Variants in GRIA1 observed in about 807,000 individuals in gnomAD.
GRIA1 encodes the protein glutamate receptor 1.
GRIA1 carries 31 observed loss-of-function variants against 99.2 expected under a neutral mutation model. The observed-to-expected ratio is 0.31, with a 90% confidence interval of 0.23 to 0.42. The LOEUF (loss-of-function observed/expected upper bound fraction) is 0.42, where lower values mean the gene tolerates loss of function less well. GRIA1 is among the 10% of genes least tolerant of loss of function. GRIA1 has a pLI of 1.00. For missense variants in GRIA1, 782 were observed against 1,157.5 expected (o/e 0.68, Z 4.71); for synonymous variants, 438 against 432.4 (o/e 1.01, Z -0.16).
chr5:153,674,439 C>T (rs1266711976), intron 5 of GRIA1, 61 bp from the exon 6 acceptor site: 3 of 1,579,114 alleles, frequency 1.9e-6, no homozygotes, highest in East Asian at 2.2e-5. Context: ...GGTTTTGGAA[C>T]AGGTTAAGTT....
chr5:153,748,157 C>T (rs1261501783), intron 11 of GRIA1, among the ~76,000 whole-genome samples: 6 of 151,920 alleles, frequency 3.9e-5, no homozygotes, highest in Non-Finnish European at 5.9e-5. Context: ...ATAAAGATCA[C>T]ATATACTTTG....
intron 2 of GRIA1, among the ~76,000 whole-genome samples, chr5:153,607,091 CGTT>C (rs1765522838): frequency 7.3e-6 from 1 of 137,588 alleles, no homozygotes; most frequent in African/African-American, 2.6e-5. Flanking sequence ...TTTATCCACT[CGTT>C]GATTGATGGG....
At chr5:153,560,985 T>TG (rs1418493999) in intron 2 of GRIA1, among the ~76,000 whole-genome samples, 1 of 152,016 alleles carries the variant, frequency 6.6e-6, no homozygotes, top group African/African-American at 2.4e-5. Flanking sequence ...GGAGCAGGGA[T>TG]TTTTTTTAGG....
rs748322316 is a variant in GRIA1, at chr5:153,770,268, G to A, written c.2123G>A (p.Arg708Lys). 1 of 1,614,012 alleles carries A rather than the reference G, an allele frequency of 6.2e-7. No individual in the cohort carries two copies. The highest frequency in any genetic ancestry group is 8.5e-7 in the Non-Finnish European group (1 of 1,179,946). Reference protein sequence around the residue: ...RTTEEGMIRVRKSKGKYAYLL... With the variant: ...RTTEEGMIRVKKSKGKYAYLL... ...ACAGAGGAGGGGATGATTCGAGTGA[G>A]GAAATCCAAAGGCAAATATGCCTAC... The change falls in exon 13 of 16, where the codon AGG becomes AAG. Residue 708 changes from arginine (R) to lysine (K), a missense_variant. Around this residue, in one of 5 missense-constraint regions of GRIA1, gnomAD observed 119 missense variants for 326.6 expected, o/e 0.36. Coordinates refer to ENST00000285900, the MANE Select transcript of GRIA1 (RefSeq NM_000827.4).
intron 11 of GRIA1, among the ~76,000 whole-genome samples, chr5:153,745,867 T>A (rs893452317): frequency 1.3e-5 from 2 of 152,186 alleles, no homozygotes; most frequent in African/African-American, 4.8e-5. Context: ...CTTCACCTCT[T>A]ATGGTCCATT....
At chr5:153,808,070 T>G (rs1766560027) in intron 15 of GRIA1, among the ~76,000 whole-genome samples, 1 of 152,244 alleles carries the variant, frequency 6.6e-6, no homozygotes, top group African/African-American at 2.4e-5. Flanking sequence ...GCAAAGACAT[T>G]ACTGAAGTTT....
At chr5:153,565,916 A>T (rs1761570280) in intron 2 of GRIA1, among the ~76,000 whole-genome samples, 1 of 152,216 alleles carries the variant, frequency 6.6e-6, no homozygotes, top group African/African-American at 2.4e-5. Context: ...GACTACTATG[A>T]CTAATGCTGC....
chr5:153,602,501 G>T (rs1359419302), intron 2 of GRIA1, among the ~76,000 whole-genome samples: 1 of 151,676 alleles, frequency 6.6e-6, no homozygotes, highest in Non-Finnish European at 1.5e-5. Context: ...TGCACATTGT[G>T]CACATGTACC....
At position 153,751,889 on chromosome 5, in the gene GRIA1, G is replaced by A. The variant is rs553797244; in HGVS notation, c.1824-12545G>A. Among the ~76,000 whole-genome samples, 12 of 152,240 alleles carry A rather than the reference G, an allele frequency of 7.9e-5. No homozygotes were observed. In the South Asian group the frequency reaches 2.1e-3, roughly 26 times the overall value. ...TTCCAGCACCTTACTCCCAGACCAT[G>A]TCCGAATTCATTTACCCAGAAGGCG... On this transcript the variant is annotated intron_variant, in intron 11 of 15. Coordinates refer to ENST00000285900, the MANE Select transcript of GRIA1 (RefSeq NM_000827.4).
chr5:153,673,714 G>C lies in GRIA1; in HGVS notation c.700-786G>C, dbSNP rs150096412. On this transcript the variant is annotated intron_variant, in intron 5 of 15. Coordinates refer to ENST00000285900, the MANE Select transcript of GRIA1 (RefSeq NM_000827.4). Reference sequence around the variant, plus strand: ...ACCTTAAAAAAGGATAAACTGAAATGAGGCCATAGATATGAAAGTACTGCA... The same window carrying C: ...ACCTTAAAAAAGGATAAACTGAAATCAGGCCATAGATATGAAAGTACTGCA... Among the ~76,000 whole-genome samples, 1,102 of 152,306 alleles carry C rather than the reference G, an allele frequency of 7.2e-3. 5 individuals are homozygous for C. The highest frequency in any genetic ancestry group is 0.011 in the Non-Finnish European group (735 of 68,006).
At chr5:153,652,923 ACCT>A (rs1432700940) in intron 4 of GRIA1, among the ~76,000 whole-genome samples, 1 of 152,168 alleles carries the variant, frequency 6.6e-6, no homozygotes, top group African/African-American at 2.4e-5. Flanking sequence ...CTGGGAACGT[ACCT>A]GGGATACAGT....
In GRIA1 at chr5:153,490,821, G is replaced by A. The variant is rs1241598748; in HGVS notation, c.-68G>A. On this transcript the variant is annotated 5_prime_UTR_variant, in exon 1 of 16. Transcript: ENST00000285900. ...AGGCAGAACAGCGAGAAGAATAAAG[G>A]GAAAGGGGGGGAAACACCAAATCTA... The A allele has an allele frequency of 1.8e-6, 2 of 1,124,822 alleles. No individual in the cohort carries two copies. Among genetic ancestry groups the A allele is most frequent in the Admixed American group, 1.7e-5 (1 of 59,386 alleles). 69.7% of individuals were successfully genotyped at this position (1,124,822 alleles called of 1,614,324 possible).
At chr5:153,563,111 G>T (rs574819714) in intron 2 of GRIA1, among the ~76,000 whole-genome samples, 1 of 151,870 alleles carries the variant, frequency 6.6e-6, no homozygotes, top group Non-Finnish European at 1.5e-5. Context: ...GGGAGGCAGA[G>T]GTTGTAGTGA....
Position 153,733,509 on chromosome 5 carries a change from T to A in GRIA1, c.1823+27442T>A, listed in dbSNP as rs6883902. On this transcript the variant is annotated intron_variant, in intron 11 of 15. Transcript: ENST00000285900. ...AAATGTCAATAGTAAGTCTTTATCT[T>A]TCAATAATTACTTTAAATGTAATTG... 8.7e-3 allele frequency among the ~76,000 whole-genome samples: 1,325 copies of A among 152,208 alleles called. 7 individuals are homozygous for A. Among genetic ancestry groups the A allele is most frequent in the South Asian group, 0.014 (66 of 4,822 alleles).
chr5:153,796,659 C>A (rs1765665164), intron 14 of GRIA1, among the ~76,000 whole-genome samples: 1 of 152,160 alleles, frequency 6.6e-6, no homozygotes, highest in African/African-American at 2.4e-5. Context: ...AGTGTATCAT[C>A]TAACACTGTC....
chr5:153,809,346 A>T (rs1361114081), intron 15 of GRIA1, among the ~76,000 whole-genome samples: 1 of 152,168 alleles, frequency 6.6e-6, no homozygotes, highest in Non-Finnish European at 1.5e-5. Context: ...GCCAAGGGAG[A>T]ATGTAAATAA....
Position 153,647,266 on chromosome 5 carries a change from G to C in GRIA1, c.460+99G>C, listed in dbSNP as rs1754224035. 5.8e-6 allele frequency: 8 copies of C among 1,370,976 alleles called. No homozygotes were observed. In the South Asian group the frequency reaches 1.1e-4, roughly 19 times the overall value. The allele number at this position is 1,370,976 out of a possible 1,614,324, so 84.9% of individuals were successfully genotyped here. ...CTCACTGCTTCCCTGAAAAATATGG[G>C]AAAATTATCCAAAATGCTTTATTTC... On this transcript the variant is annotated intron_variant, in intron 3 of 15. Coordinates refer to ENST00000285900, the MANE Select transcript of GRIA1 (RefSeq NM_000827.4).
At chr5:153,776,793 G>A (rs1231523995) in intron 13 of GRIA1, among the ~76,000 whole-genome samples, 1 of 152,166 alleles carries the variant, frequency 6.6e-6, no homozygotes, top group Non-Finnish European at 1.5e-5. Flanking sequence ...GGTTTTGTAG[G>A]GAAGGCTGTC....
chr5:153,810,786 A>G (rs1181760531), intron 15 of GRIA1, among the ~76,000 whole-genome samples: 1 of 152,206 alleles, frequency 6.6e-6, no homozygotes, highest in Non-Finnish European at 1.5e-5. Flanking sequence ...CTTCTGTCTC[A>G]CCCAATCTAA....
Sources: allele counts gnomAD v4.1 joint callset (sites outside exome capture counted in the v4.1 genomes callset), GRCh38; gene constraint gnomAD v4.1.1; regional missense constraint gnomAD v4.1.1; transcripts MANE v1.5; gene names NCBI Gene and HGNC (gene_info 2026-07-23, HGNC 2026-07-21).